Variants in PNPLA7 observed in about 807,000 individuals in gnomAD.
PNPLA7 encodes patatin-like phospholipase domain-containing protein 7.
PNPLA7 carries 153 observed loss-of-function variants against 161.7 expected under a neutral mutation model. That is an observed-to-expected ratio of 0.95 (90% CI 0.83 to 1.08). The LOEUF (loss-of-function observed/expected upper bound fraction) is 1.08. Among genes scored for constraint, PNPLA7 ranks in the 50% least tolerant of loss-of-function variants. The pLI is 0.00. For synonymous variants in PNPLA7, 809 were observed against 782.1 expected (o/e 1.03, Z -0.57); for missense variants, 1,739 against 1,856.6 (o/e 0.94, Z 1.16).
Position 137,467,790 on chromosome 9 carries a change from C to T in PNPLA7, c.2883-317G>A, listed in dbSNP as rs1170584323. Among the ~76,000 whole-genome samples the T allele has an allele frequency of 6.6e-6, 1 of 152,132 alleles. No individual in the cohort carries two copies. Among genetic ancestry groups the T allele is most frequent in the African/African-American group, 2.4e-5 (1 of 41,492 alleles). ...GTGCGCGCCTGTAATCCCAGCTACT[C>T]GGGAGGCTGAGGCAGGAGAATCACC... is the stretch of plus-strand genomic sequence containing the variant. On this transcript the variant is annotated intron_variant, in intron 25 of 34. Coordinates refer to ENST00000406427, the MANE Select transcript of PNPLA7 (RefSeq NM_001098537.3). The surrounding 1 kb of genome is among the most constrained non-coding windows in gnomAD (Gnocchi z 5.1).
intron 25 of PNPLA7, 132 bp downstream of exon 25, chr9:137,477,901 TG>T: frequency 2.9e-6 from 2 of 701,592 alleles, no homozygotes; most frequent in Non-Finnish European, 4.0e-6. Flanking sequence ...AGGCTGGGTC[TG>T]GACAGGCGGC....
At chr9:137,545,620 T>C (rs1836460421) in intron 4 of PNPLA7, among the ~76,000 whole-genome samples, 1 of 152,272 alleles carries the variant, frequency 6.6e-6, no homozygotes, top group African/African-American at 2.4e-5. Flanking sequence ...TATGATTATA[T>C]ATGAATATCA....
At chr9:137,466,827 C>T (rs532589065) in intron 26 of PNPLA7, among the ~76,000 whole-genome samples, 2 of 142,928 alleles carry the variant, frequency 1.4e-5, no homozygotes, top group South Asian at 4.6e-4. Flanking sequence ...GACCACCTCC[C>T]ACCACCGTCT....
intron 12 of PNPLA7, among the ~76,000 whole-genome samples, chr9:137,513,250 G>T (rs1834331949): frequency 6.6e-6 from 1 of 152,134 alleles, no homozygotes; most frequent in South Asian, 2.1e-4. Flanking sequence ...CAGCACTTTG[G>T]GAGGCTGAGG....
At chr9:137,481,332 G>T (rs1303449976) in intron 21 of PNPLA7, among the ~76,000 whole-genome samples, 2 of 152,242 alleles carry the variant, frequency 1.3e-5, no homozygotes, top group Admixed American at 6.5e-5. Context: ...AGCAGCAGTG[G>T]AATCTCTGTG....
At chr9:137,530,861 C>A (rs995993816) in intron 8 of PNPLA7, among the ~76,000 whole-genome samples, 1 of 152,138 alleles carries the variant, frequency 6.6e-6, no homozygotes, top group Non-Finnish European at 1.5e-5. Context: ...CCTTCCTGCA[C>A]GAGGCCACAT....
chr9:137,493,920 C>T (rs894316151), intron 19 of PNPLA7, among the ~76,000 whole-genome samples: 8 of 152,116 alleles, frequency 5.3e-5, no homozygotes, highest in Admixed American at 3.3e-4. Context: ...CTAGGATCTG[C>T]GGGCAGGAGA....
In PNPLA7 at chr9:137,477,528, C is replaced by T. The variant is rs1409442064; in HGVS notation, c.2882+506G>A. Among the ~76,000 whole-genome samples, 5 of 152,074 alleles carry T rather than the reference C, an allele frequency of 3.3e-5. No homozygotes were observed. In the East Asian group the frequency reaches 9.7e-4, roughly 29 times the overall value. On this transcript the variant is annotated intron_variant, in intron 25 of 34. Coordinates refer to ENST00000406427, the MANE Select transcript of PNPLA7 (RefSeq NM_001098537.3). ...GTAGTGGTACGATCTTGGCTCACCA[C>T]AACCTCTGCCTCCTGCATTCAAGCA...
rs746534430 is a variant in PNPLA7 at position 137,490,665 on chromosome 9, G to A, written c.2197+2348C>T. The stretch of plus-strand genomic sequence containing the variant: ...CCATCAGACCTTCTCTGAAAGAACC[G>A]CTAACCACAATTCTTCAACAGCAAG... On this transcript the variant is annotated intron_variant, in intron 20 of 34. Coordinates refer to ENST00000406427, the MANE Select transcript of PNPLA7 (RefSeq NM_001098537.3). The surrounding 1 kb of genome is among the most constrained non-coding windows in gnomAD (Gnocchi z 4.1). Among the ~76,000 whole-genome samples the A allele has an allele frequency of 1.3e-5, 2 of 152,144 alleles. No homozygotes were observed. Among genetic ancestry groups the A allele is most frequent in the Admixed American group, 6.5e-5 (1 of 15,272 alleles).
chr9:137,497,280 G>A lies in PNPLA7; in HGVS notation c.1920C>T (p.Ile640=), dbSNP rs1369194952. The A allele has an allele frequency of 1.9e-6, 3 of 1,587,948 alleles. No homozygotes were observed. The South Asian group carries it at 3.4e-5, about 18-fold the overall frequency. Reference sequence around the variant, plus strand: ...CAGAGCGCAGCCGGCCGCTGAGCATGATGTACGTGCAGTCGGACTTGTCCC... The same window carrying A: ...CAGAGCGCAGCCGGCCGCTGAGCATAATGTACGTGCAGTCGGACTTGTCCC... ...RQGDKSDCTY[I]MLSGRLRSVI... Residue 640 remains isoleucine (I), a synonymous_variant, in exon 18 of 35, where the codon ATC becomes ATT. Transcript: ENST00000406427.
At chr9:137,531,737 C>A (rs56010434) in intron 8 of PNPLA7, among the ~76,000 whole-genome samples, 62 of 152,158 alleles carry the variant, frequency 4.1e-4, no homozygotes, top group South Asian at 8.3e-4. Flanking sequence ...TAGAGTCAAG[C>A]AAAATTATAC....
intron 21 of PNPLA7, among the ~76,000 whole-genome samples, chr9:137,484,303 C>CTATCA (rs1832359911): frequency 6.6e-6 from 1 of 152,206 alleles, no homozygotes; most frequent in Non-Finnish European, 1.5e-5. Flanking sequence ...GACTTCCTGT[C>CTATCA]TATCATCATG....
chr9:137,491,941 G>A (rs958520357), intron 20 of PNPLA7: 15 of 985,358 alleles, frequency 1.5e-5, no homozygotes, highest in African/African-American at 8.7e-5. Context: ...GTGCTGAGAC[G>A]GAGATGCAGG....
At chr9:137,542,845 G>A in intron 6 of PNPLA7, 44 bp from the exon 7 acceptor site, 1 of 1,580,456 alleles carries the variant, frequency 6.3e-7, no homozygotes, top group Middle Eastern at 1.9e-4. Flanking sequence ...TCCAGGGGAG[G>A]AGGACGGCCT....
intron 8 of PNPLA7, among the ~76,000 whole-genome samples, chr9:137,536,586 A>T (rs1835903276): frequency 6.6e-6 from 1 of 152,240 alleles, no homozygotes; most frequent in African/African-American, 2.4e-5. Context: ...GTAGCCAAAA[A>T]TAACACAACT....
At chr9:137,544,948 G>A (rs1439856780) in intron 4 of PNPLA7, among the ~76,000 whole-genome samples, 3 of 152,010 alleles carry the variant, frequency 2.0e-5, no homozygotes, top group South Asian at 2.1e-4. Context: ...GTGCCCGGCC[G>A]AGTTTTTCAA....
Position 137,500,793 on chromosome 9 carries a change from A to T in PNPLA7, c.1655T>A (p.Met552Lys). ...GGTGAGCACGGCCAGCTGGCCCACC[A>T]TCTCCCCGGGGCGCGTGAGGAACAA... Reference protein sequence around the residue: ...TCLFLTRPGEMVGQLAVLTGE... With the variant: ...TCLFLTRPGEKVGQLAVLTGE... The change falls in exon 16 of 35, where the codon ATG becomes AAG. Residue 552 changes from methionine to lysine, a missense_variant. Transcript: ENST00000406427. This position sits in a 1 kb window ranked among gnomAD's most constrained non-coding sequence, Gnocchi z 5.5. 1 of 1,611,308 alleles carries T rather than the reference A, an allele frequency of 6.2e-7. No individual in the cohort carries two copies. The highest frequency in any genetic ancestry group is 1.7e-5 in the Admixed American group (1 of 59,868).
In PNPLA7 at chr9:137,488,722, C is replaced by G. The variant is rs142245136; in HGVS notation, c.2198-3986G>C. 1.7e-4 allele frequency among the ~76,000 whole-genome samples: 24 copies of G among 139,978 alleles called. No homozygotes were observed. In the East Asian group the frequency reaches 2.9e-3, roughly 17 times the overall value. 91.8% of individuals were successfully genotyped at this position (139,978 alleles called of 152,430 possible). On this transcript the variant is annotated intron_variant, in intron 20 of 34. Transcript: ENST00000406427. ...AGCAAGCACCAGCAGACATCCCCCC[C>G]CAACTGTGCACCCCCCGACCAGCCA...
chr9:137,528,176 C>T (rs147889141), intron 8 of PNPLA7, among the ~76,000 whole-genome samples: 170 of 152,256 alleles, frequency 1.1e-3, no homozygotes, highest in Non-Finnish European at 2.1e-3. Context: ...ATTTTACTGA[C>T]GTCTTCCAAG....
Sources: allele counts gnomAD v4.1 joint callset (sites outside exome capture counted in the v4.1 genomes callset), GRCh38; gene constraint gnomAD v4.1.1; non-coding constraint Gnocchi (gnomAD v3.1); transcripts MANE v1.5; gene names NCBI Gene and HGNC (gene_info 2026-07-23, HGNC 2026-07-21).